Variants in NXN observed in about 807,000 individuals in gnomAD.
The protein encoded by NXN is nucleoredoxin.
A neutral mutation model predicts 48.6 loss-of-function variants in NXN; 16 were observed. The ratio of observed to expected loss-of-function variants is 0.33; its 90% CI spans 0.22 to 0.50. The LOEUF (loss-of-function observed/expected upper bound fraction) is 0.50. Ranked by LOEUF, NXN falls within the 20% of genes least tolerant of loss-of-function variation. NXN has a pLI of 0.98. For synonymous variants in NXN, 281 were observed against 269.6 expected (o/e 1.04, Z -0.41); for missense variants, 492 against 605.5 (o/e 0.81, Z 1.97).
In NXN at chr17:956,821, T is replaced by C. The variant is rs533354776; in HGVS notation, c.360+22498A>G. ...GATGAGGAAGTGGGGTTAAAGTAAC[T>C]TGCCCAAGATCTCAAAGCTGGAGAG... On this transcript the variant is annotated intron_variant, in intron 1 of 7. Transcript: ENST00000336868. The surrounding 1 kb of genome is among the most constrained non-coding windows in gnomAD (Gnocchi z 4.1). 6.4e-4 allele frequency among the ~76,000 whole-genome samples: 97 copies of C among 152,286 alleles called. No individual in the cohort carries two copies. Among genetic ancestry groups the C allele is most frequent in the Non-Finnish European group, 1.2e-3 (80 of 68,016 alleles).
chr17:835,169 G>A (rs749540845), intron 1 of NXN, among the ~76,000 whole-genome samples: 4 of 151,570 alleles, frequency 2.6e-5, no homozygotes, highest in Non-Finnish European at 5.9e-5. Flanking sequence ...TTAGCCGGGT[G>A]TGGTGACGGG....
Position 917,552 on chromosome 17 carries a change from A to AT in NXN, c.360+61766dup, listed in dbSNP as rs1278814786. On this transcript the variant is annotated intron_variant, in intron 1 of 7. Transcript: ENST00000336868. This position sits in a 1 kb window ranked among gnomAD's most constrained non-coding sequence, Gnocchi z 4.5. ...GGACCTGCTGTCCCACCCTACGCCCATTTTTTATCTCCACCCACTCTTTGA... is the reference window on the plus strand; with the variant it reads ...GGACCTGCTGTCCCACCCTACGCCCATTTTTTTATCTCCACCCACTCTTTGA... Among the ~76,000 whole-genome samples, 2 of 152,162 alleles carry AT rather than the reference A, an allele frequency of 1.3e-5. No individual in the cohort carries two copies. Among genetic ancestry groups the AT allele is most frequent in the East Asian group, 1.9e-4 (1 of 5,188 alleles).
chr17:952,090 T>C (rs3829769), intron 1 of NXN, among the ~76,000 whole-genome samples: 6,089 of 148,364 alleles, frequency 0.041, 277 homozygotes, highest in East Asian at 0.21. Context: ...GTTGTGGTTT[T>C]TGTGGTCTGA....
chr17:942,562 C>T (rs1049885294), intron 1 of NXN, among the ~76,000 whole-genome samples: 1 of 50,956 alleles, frequency 2.0e-5, no homozygotes. Flanking sequence ...TTACGGTGAA[C>T]AAGATTCCAG....
chr17:910,546 G>C (rs565976352), intron 1 of NXN: 1 of 152,016 alleles, frequency 6.6e-6, no homozygotes. Context: ...TTTTTTAGAA[G>C]AATTTATCAT....
At chr17:840,714 T>C (rs1914117868) in intron 1 of NXN, among the ~76,000 whole-genome samples, 1 of 152,220 alleles carries the variant, frequency 6.6e-6, no homozygotes, top group Non-Finnish European at 1.5e-5. Flanking sequence ...ATCACTTTGC[T>C]GCTAGCGTGA....
intron 1 of NXN, among the ~76,000 whole-genome samples, chr17:879,630 G>A (rs1751253325): frequency 6.6e-6 from 1 of 152,032 alleles, no homozygotes; most frequent in African/African-American, 2.4e-5. Context: ...TTTCTGGCAA[G>A]CAGGGAAAGG....
intron 1 of NXN, among the ~76,000 whole-genome samples, chr17:904,968 T>A (rs630478): frequency 3.4e-4 from 52 of 152,040 alleles, no homozygotes; most frequent in African/African-American, 1.2e-3. Context: ...TCCCGTCTTC[T>A]GCTCCTCTTC....
At chr17:894,763 C>T (rs1051887948) in intron 1 of NXN, among the ~76,000 whole-genome samples, 9 of 152,190 alleles carry the variant, frequency 5.9e-5, no homozygotes, top group Non-Finnish European at 1.3e-4. Flanking sequence ...ATGACGGAGG[C>T]GCCCCAAGAA....
intron 1 of NXN, among the ~76,000 whole-genome samples, chr17:957,565 T>A (rs57669402): frequency 1.3e-3 from 188 of 150,164 alleles, no homozygotes; most frequent in African/African-American, 4.4e-3. Context: ...ACGGGAGGTG[T>A]AGGTTGCAGT....
At chr17:936,289 C>G (rs374799964) in intron 1 of NXN, among the ~76,000 whole-genome samples, 1 of 152,028 alleles carries the variant, frequency 6.6e-6, no homozygotes, top group East Asian at 1.9e-4. Context: ...TCCCCTGCGA[C>G]AAAGCCTTTG....
At chr17:848,015 G>A (rs144326557) in intron 1 of NXN, among the ~76,000 whole-genome samples, 3 of 152,150 alleles carry the variant, frequency 2.0e-5, no homozygotes, top group Admixed American at 6.5e-5. Context: ...GTTACAAAAC[G>A]GGGCGAGTGA....
intron 1 of NXN, among the ~76,000 whole-genome samples, chr17:936,058 C>T (rs1358965301): frequency 7.0e-6 from 1 of 143,166 alleles, no homozygotes; most frequent in Non-Finnish European, 1.5e-5. Context: ...TGCCACTGCA[C>T]TCCAGCCTGG....
At chr17:812,803 TGA>T (rs992409008) in intron 5 of NXN, among the ~76,000 whole-genome samples, 3 of 147,808 alleles carry the variant, frequency 2.0e-5, no homozygotes, top group South Asian at 2.2e-4. Context: ...TGTGTGTGCG[TGA>T]GTGTAGGTGT....
intron 1 of NXN, among the ~76,000 whole-genome samples, chr17:879,026 G>A (rs1490545784): frequency 2.0e-5 from 3 of 151,926 alleles, no homozygotes; most frequent in African/African-American, 7.2e-5. Flanking sequence ...CTAGCCAGGT[G>A]TGGTGGCAGG....
At chr17:880,384 G>C (rs746728619) in intron 1 of NXN, among the ~76,000 whole-genome samples, 7 of 152,130 alleles carry the variant, frequency 4.6e-5, no homozygotes, top group Non-Finnish European at 7.3e-5. Context: ...CCACATAAAA[G>C]GAGAAAACGT....
At chr17:846,311 G>C (rs1216869551) in intron 1 of NXN, among the ~76,000 whole-genome samples, 4 of 151,116 alleles carry the variant, frequency 2.6e-5, no homozygotes, top group Non-Finnish European at 5.9e-5. Flanking sequence ...CCAGCTGCTC[G>C]GGAGGCTGAG....
In NXN at chr17:977,304, G is replaced by A. The variant is rs543986468; in HGVS notation, c.360+2015C>T. On this transcript the variant is annotated intron_variant, in intron 1 of 7. Transcript: ENST00000336868. ...AAAATAAAATGTTTAAGATGCTAACGCACCAGGGTTTGGGCACGTCCAGCA... is the reference window on the plus strand; with the variant it reads ...AAAATAAAATGTTTAAGATGCTAACACACCAGGGTTTGGGCACGTCCAGCA... Among the ~76,000 whole-genome samples the A allele has an allele frequency of 5.9e-5, 9 of 152,290 alleles. 1 individual carries two copies. In the South Asian group the frequency reaches 1.0e-3, roughly 18 times the overall value.
At chr17:955,692 T>G (rs377351464) in intron 1 of NXN, among the ~76,000 whole-genome samples, 3 of 149,314 alleles carry the variant, frequency 2.0e-5, no homozygotes, top group South Asian at 2.1e-4. Context: ...GTCAGGAGAT[T>G]GAGACCATCC....
Sources: allele counts gnomAD v4.1 joint callset (sites outside exome capture counted in the v4.1 genomes callset), GRCh38; gene constraint gnomAD v4.1.1; non-coding constraint Gnocchi (gnomAD v3.1); transcripts MANE v1.5; gene names NCBI Gene and HGNC (gene_info 2026-07-23, HGNC 2026-07-21).